Variants in GREB1L observed in about 807,000 individuals in gnomAD.
GREB1L encodes the protein GREB1 like retinoic acid receptor coactivator.
A neutral mutation model predicts 200.8 loss-of-function variants in GREB1L; 17 were observed. The observed-to-expected ratio is 0.08, with a 90% CI of 0.06 to 0.13. The LOEUF (loss-of-function observed/expected upper bound fraction) is 0.13. Among genes scored for constraint, GREB1L ranks in the 10% least tolerant of loss-of-function variants. The pLI is 1.00. For synonymous variants in GREB1L, 789 were observed against 893.0 expected (o/e 0.88, Z 2.08); for missense variants, 1,657 against 2,367.7 (o/e 0.70, Z 6.23).
At chr18:21,305,578 T>C (rs1299618021) in intron 1 of GREB1L, among the ~76,000 whole-genome samples, 4 of 152,188 alleles carry the variant, frequency 2.6e-5, no homozygotes, top group Non-Finnish European at 4.4e-5. Flanking sequence ...CAGCCATCAT[T>C]ACCTGTTACT....
chr18:21,303,669 T>C (rs2038654585), intron 1 of GREB1L, among the ~76,000 whole-genome samples: 1 of 152,220 alleles, frequency 6.6e-6, no homozygotes, highest in South Asian at 2.1e-4. Context: ...CTATTGTCCT[T>C]ACAAAGGGAT....
At chr18:21,464,436 C>T in intron 15 of GREB1L, among the ~76,000 whole-genome samples, 1 of 150,520 alleles carries the variant, frequency 6.6e-6, no homozygotes, top group African/African-American at 2.4e-5. Context: ...CCCAGCTACT[C>T]AGGAGGCCGA....
intron 2 of GREB1L, among the ~76,000 whole-genome samples, chr18:21,370,765 A>G (rs1257099257): frequency 1.3e-5 from 2 of 152,220 alleles, no homozygotes; most frequent in Non-Finnish European, 2.9e-5. Flanking sequence ...TATGACAGCT[A>G]CTAGTCACAT....
chr18:21,401,083 G>T, intron 5 of GREB1L, 67 bp from the exon 6 acceptor site: 1 of 1,303,902 alleles, frequency 7.7e-7, no homozygotes. Flanking sequence ...TTTCTATGCT[G>T]TTTAATACGT....
intron 29 of GREB1L, 33 bp downstream of exon 29, chr18:21,515,677 G>A: frequency 7.0e-7 from 1 of 1,436,680 alleles, no homozygotes; most frequent in Non-Finnish European, 9.6e-7. Context: ...AGGTAATCCT[G>A]GCATCTACTG....
At chr18:21,378,650 CAGGCGTGA>C (rs2040176995) in intron 2 of GREB1L, among the ~76,000 whole-genome samples, 2 of 152,194 alleles carry the variant, frequency 1.3e-5, no homozygotes, top group South Asian at 4.1e-4. Context: ...GCTGGGATTA[CAGGCGTGA>C]GCCACCGCAC....
chr18:21,496,265 AAATG>A (rs1662052393), intron 20 of GREB1L, among the ~76,000 whole-genome samples, 185 bp from the exon 21 acceptor site: 2 of 152,192 alleles, frequency 1.3e-5, no homozygotes, highest in African/African-American at 4.8e-5. Flanking sequence ...TATTCGAAGA[AAATG>A]AAGCACAAAG....
chr18:21,268,252 A>T (rs1024916729), intron 1 of GREB1L, among the ~76,000 whole-genome samples: 2 of 151,770 alleles, frequency 1.3e-5, no homozygotes, highest in Non-Finnish European at 2.9e-5. Flanking sequence ...CTTGTGTGGG[A>T]AAGGGAGAAG....
chr18:21,498,475 A>AG (rs1339054623), intron 21 of GREB1L, among the ~76,000 whole-genome samples: 1 of 152,150 alleles, frequency 6.6e-6, no homozygotes, highest in Admixed American at 6.5e-5. Context: ...GGTTCACAGA[A>AG]GGGGGGTGGG....
At chr18:21,409,355 G>T (rs914267112) in intron 7 of GREB1L, among the ~76,000 whole-genome samples, 2 of 152,220 alleles carry the variant, frequency 1.3e-5, no homozygotes, top group African/African-American at 4.8e-5. Context: ...GTAGATTAGT[G>T]CTTGCCTGGA....
chr18:21,338,581 C>A (rs780796267), intron 1 of GREB1L, among the ~76,000 whole-genome samples: 43 of 152,356 alleles, frequency 2.8e-4, no homozygotes, highest in Non-Finnish European at 4.1e-4. Flanking sequence ...TCTCTGGGCA[C>A]CAGGCCTCAG....
Position 21,449,364 on chromosome 18 carries a change from A to G in GREB1L, c.1394-146A>G. On this transcript the variant is annotated intron_variant, in intron 11 of 32. Coordinates refer to ENST00000424526, the MANE Select transcript of GREB1L (RefSeq NM_001142966.3). ...AGGGAATGATTAGTAGGGACTCTATACTTGTGACCACTCCAAGAAAAAGAG... is the reference window on the plus strand; with the variant it reads ...AGGGAATGATTAGTAGGGACTCTATGCTTGTGACCACTCCAAGAAAAAGAG... The G allele has an allele frequency of 5.4e-6, 3 of 550,666 alleles. No individual in the cohort carries two copies. The South Asian group carries it at 8.5e-5, about 16-fold the overall frequency. The allele number at this position is 550,666 out of a possible 1,614,324, so 34.1% of individuals were successfully genotyped here.
intron 1 of GREB1L, among the ~76,000 whole-genome samples, chr18:21,337,556 G>C (rs1318945695): frequency 6.6e-6 from 1 of 152,166 alleles, no homozygotes; most frequent in African/African-American, 2.4e-5. Flanking sequence ...TGAGCACTTT[G>C]TGAACAGAAC....
At chr18:21,484,543 G>T (rs1435333204) in intron 17 of GREB1L, among the ~76,000 whole-genome samples, 1 of 152,160 alleles carries the variant, frequency 6.6e-6, no homozygotes, top group Non-Finnish European at 1.5e-5. Flanking sequence ...TGGGCCAGGC[G>T]CAGTAGCTTA....
intron 1 of GREB1L, among the ~76,000 whole-genome samples, chr18:21,327,539 T>G (rs2039040883): frequency 1.3e-5 from 2 of 152,142 alleles, no homozygotes; most frequent in Admixed American, 6.6e-5. Flanking sequence ...TCTTCCATTT[T>G]TATCTTTGAA....
intron 15 of GREB1L, among the ~76,000 whole-genome samples, chr18:21,464,012 T>TA: frequency 6.6e-6 from 1 of 152,248 alleles, no homozygotes; most frequent in African/African-American, 2.4e-5. Flanking sequence ...ATGATAGCAA[T>TA]GGATTGCAAC....
intron 1 of GREB1L, among the ~76,000 whole-genome samples, chr18:21,342,875 G>A (rs2039289085): frequency 6.6e-6 from 1 of 152,098 alleles, no homozygotes; most frequent in Non-Finnish European, 1.5e-5. Flanking sequence ...TTGTTTAGGA[G>A]TCAGAATGTT....
chr18:21,245,803 C>T (rs1253975892), intron 1 of GREB1L, among the ~76,000 whole-genome samples: 8 of 152,212 alleles, frequency 5.3e-5, no homozygotes, highest in South Asian at 4.1e-4. Context: ...CTGCAAGCTC[C>T]GCCTTCCGGG....
At chr18:21,419,285 T>C (rs2031938222) in intron 7 of GREB1L, among the ~76,000 whole-genome samples, 1 of 152,332 alleles carries the variant, frequency 6.6e-6, no homozygotes, top group South Asian at 2.1e-4. Flanking sequence ...TTGTCTTTAT[T>C]CATAGACCAC....
Sources: gnomAD v4.1 joint callset for allele counts (sites outside exome capture counted in the v4.1 genomes callset) on GRCh38, gnomAD v4.1.1 for gene constraint, MANE v1.5 for transcripts, NCBI Gene and HGNC (gene_info 2026-07-23, HGNC 2026-07-21) for gene names.